Variants in ADAP1 observed in about 807,000 individuals in gnomAD.
ADAP1 encodes arf-GAP with dual PH domain-containing protein 1.
In ADAP1, 31 loss-of-function variants were observed where a neutral mutation model predicts 54.9. The observed-to-expected ratio is 0.56, with a 90% CI of 0.42 to 0.76. The LOEUF (loss-of-function observed/expected upper bound fraction) is 0.76, where lower values mean the gene tolerates loss of function less well. Among genes scored for constraint, ADAP1 ranks in the 30% least tolerant of loss-of-function variants. The pLI is 0.00. For synonymous variants in ADAP1, 313 were observed against 202.6 expected, an observed-to-expected ratio of 1.55 and a Z score of -4.63; for missense variants, 535 against 512.4, an observed-to-expected ratio of 1.04 and a Z score of -0.42.
Position 952,468 on chromosome 7 carries a change from C to A in ADAP1, c.82+1928G>T, listed in dbSNP as rs549431289. ...GGCTCCTTGTCACCCAGCTGGGCCACAGCAGGTACAGGAGGCCCCAGAGCA... is the reference window on the plus strand; with the variant it reads ...GGCTCCTTGTCACCCAGCTGGGCCAAAGCAGGTACAGGAGGCCCCAGAGCA... On this transcript the variant is annotated intron_variant, in intron 1 of 10. Coordinates refer to ENST00000265846, the MANE Select transcript of ADAP1 (RefSeq NM_006869.4). Among the ~76,000 whole-genome samples, 3 of 152,340 alleles carry A rather than the reference C, an allele frequency of 2.0e-5. No individual in the cohort carries two copies. In the South Asian group the frequency reaches 6.2e-4, roughly 32 times the overall value.
chr7:934,977 TC>T (rs1174260901), intron 2 of ADAP1, among the ~76,000 whole-genome samples: 4 of 152,188 alleles, frequency 2.6e-5, no homozygotes, highest in Non-Finnish European at 5.9e-5. Flanking sequence ...CGACCCTGAC[TC>T]TGGGTCGTGC....
intron 1 of ADAP1, among the ~76,000 whole-genome samples, chr7:952,989 G>T (rs1847306233): frequency 6.6e-6 from 1 of 152,140 alleles, no homozygotes. Context: ...GCTGGAGAGG[G>T]GCCCTGAGTC....
intron 4 of ADAP1, among the ~76,000 whole-genome samples, chr7:913,716 C>T (rs6973470): frequency 0.02 from 3,036 of 152,096 alleles, 100 homozygotes; most frequent in African/African-American, 0.068. Context: ...GGGCGGGTCA[C>T]CTGAGGTCAG....
intron 3 of ADAP1, among the ~76,000 whole-genome samples, chr7:924,571 C>T (rs13221524): frequency 0.63 from 81,425 of 129,638 alleles, 26,735 homozygotes; most frequent in Admixed American, 0.67. Flanking sequence ...CTGCACCCCC[C>T]GCCCTCCAAG....
At position 952,280 on chromosome 7, in the gene ADAP1, C is replaced by T. The variant is rs983404416; in HGVS notation, c.82+2116G>A. Among the ~76,000 whole-genome samples the T allele has an allele frequency of 1.3e-5, 2 of 152,192 alleles. 1 individual carries two copies. Among genetic ancestry groups the T allele is most frequent in the South Asian group, 4.1e-4 (2 of 4,828 alleles). On this transcript the variant is annotated intron_variant, in intron 1 of 10. Coordinates refer to ENST00000265846, the MANE Select transcript of ADAP1 (RefSeq NM_006869.4). ...TCACACGGCCAGTGGGTGGGGCCTG[C>T]TCAAGTCCACCCCAGCAGCCCCAGG...
intron 4 of ADAP1, among the ~76,000 whole-genome samples, chr7:914,625 G>A (rs1221197071): frequency 6.6e-6 from 1 of 152,154 alleles, no homozygotes; most frequent in African/African-American, 2.4e-5. Context: ...ATGGACACCT[G>A]CTCCCTCATC....
intron 1 of ADAP1, among the ~76,000 whole-genome samples, chr7:941,365 A>G (rs974140617): frequency 1.3e-5 from 2 of 152,222 alleles, no homozygotes. Context: ...GAAGAGCTAA[A>G]ACTATCTTCA....
chr7:912,556 C>T (rs967634258), intron 4 of ADAP1, among the ~76,000 whole-genome samples: 4 of 152,194 alleles, frequency 2.6e-5, no homozygotes, highest in South Asian at 2.1e-4. Context: ...ACGCACCTTC[C>T]GCTACGCACC....
intron 7 of ADAP1, 57 bp downstream of exon 7, chr7:900,476 A>ACCCCCCCCCCCCC: frequency 1.9e-6 from 2 of 1,065,196 alleles, no homozygotes; most frequent in Non-Finnish European, 1.4e-6. Context: ...GGCTCCGTCC[A>ACCCCCCCCCCCCC]CCCCCCACCC....
chr7:900,874 AAGGG>A, intron 6 of ADAP1: 3 of 616,324 alleles, frequency 4.9e-6, no homozygotes, highest in South Asian at 4.6e-5. Flanking sequence ...AGAAGGGCCG[AAGGG>A]CCGAAGGGCC....
chr7:954,991 A>G (rs572439068), upstream of ADAP1, among the ~76,000 whole-genome samples: 6 of 152,280 alleles, frequency 3.9e-5, 1 homozygote, highest in East Asian at 1.2e-3. Flanking sequence ...GAGCCCCCCA[A>G]GACCATGGGC....
In ADAP1 at chr7:906,616, G is replaced by GA. The variant is rs1554272337; in HGVS notation, c.389-1445_389-1444insT. On this transcript the variant is annotated intron_variant, in intron 4 of 10. Coordinates refer to ENST00000265846, the MANE Select transcript of ADAP1 (RefSeq NM_006869.4). Reference sequence around the variant, plus strand: ...AAGGAGAAGGGAGAAAGGGAGAAAGGGAAAGGAGAAAGGAGAAAGGAGAAA... The same window carrying GA: ...AAGGAGAAGGGAGAAAGGGAGAAAGGAGAAAGGAGAAAGGAGAAAGGAGAAA... Among the ~76,000 whole-genome samples the GA allele has an allele frequency of 1.1e-3, 32 of 29,930 alleles. 7 individuals carry two copies. Among genetic ancestry groups the GA allele is most frequent in the African/African-American group, 8.9e-3 (26 of 2,912 alleles). The allele number at this position is 29,930 out of a possible 152,430, so 19.6% of individuals were successfully genotyped here.
chr7:906,770 G>GGAT (rs1845459798), intron 4 of ADAP1, among the ~76,000 whole-genome samples: 1 of 28,738 alleles, frequency 3.5e-5, no homozygotes, highest in African/African-American at 1.1e-4. Flanking sequence ...AGGGGACATG[G>GGAT]GGGACAGGGG....
intron 1 of ADAP1, among the ~76,000 whole-genome samples, chr7:936,923 C>G (rs1259167710): frequency 6.6e-6 from 1 of 152,228 alleles, no homozygotes. Context: ...GTGGGGGACT[C>G]CCATGCCAGG....
intron 4 of ADAP1, among the ~76,000 whole-genome samples, chr7:906,710 G>GAAAGGAGAAA (rs1845430511): frequency 1.4e-5 from 1 of 71,164 alleles, no homozygotes; most frequent in African/African-American, 8.8e-5. Flanking sequence ...CATGGGGGAC[G>GAAAGGAGAAA]GGACATCGGG....
rs56715852 is a variant in ADAP1, at chr7:940,330, TCACACACACACACACA to T, written c.83-4841_83-4826del. Among the ~76,000 whole-genome samples the T allele has an allele frequency of 9.0e-3, 1,272 of 140,728 alleles. 10 individuals carry two copies. Among genetic ancestry groups the T allele is most frequent in the South Asian group, 0.014 (58 of 4,178 alleles). The allele number at this position is 140,728 out of a possible 152,430, so 92.3% of individuals were successfully genotyped here. A position where few individuals can be genotyped will look rare whatever the true frequency, so the allele number is the denominator to read the frequency against. ...TCCAGCCTGGGTGTCACAGACCCTG[TCACACACACACACACA>T]CACACACACACACACACACACACAC... On this transcript the variant is annotated intron_variant, in intron 1 of 10. Coordinates refer to ENST00000265846, the MANE Select transcript of ADAP1 (RefSeq NM_006869.4).
At chr7:901,320 A>C in intron 6 of ADAP1, 1 of 263,526 alleles carries the variant, frequency 3.8e-6, no homozygotes, top group Non-Finnish European at 7.6e-6. Context: ...TGACATTATA[A>C]CCTGCGCCCT....
chr7:906,737 CAGAGTACATAGGGGACATGGACAG>C (rs1845446267), intron 4 of ADAP1, among the ~76,000 whole-genome samples: 2 of 37,288 alleles, frequency 5.4e-5, no homozygotes, highest in Non-Finnish European at 1.1e-4. Flanking sequence ...ACATGGGGGA[CAGAGTACATAGGGGACATGGACAG>C]GGGACATGGG....
intron 4 of ADAP1, 57 bp from the exon 5 acceptor site, chr7:905,229 G>GGAGTGAC (rs1845054023): frequency 7.2e-7 from 1 of 1,392,656 alleles, no homozygotes; most frequent in Non-Finnish European, 1.0e-6. Flanking sequence ...GGAAACAAAA[G>GGAGTGAC]GAGTGACGAT....
Sources: gnomAD v4.1 joint callset for allele counts (sites outside exome capture counted in the v4.1 genomes callset) on GRCh38, gnomAD v4.1.1 for gene constraint, MANE v1.5 for transcripts, NCBI Gene and HGNC (gene_info 2026-07-23, HGNC 2026-07-21) for gene names.